Variants in PTPRG observed in about 807,000 individuals in gnomAD.
The protein encoded by PTPRG is protein tyrosine phosphatase receptor type G.
PTPRG carries 102 observed loss-of-function variants against 165.3 expected under a neutral mutation model. That is an observed-to-expected ratio of 0.62 (90% CI 0.53 to 0.73). The LOEUF is 0.73. PTPRG is among the 30% of genes least tolerant of loss of function. PTPRG has a pLI of 0.00. For synonymous variants in PTPRG, 675 were observed against 669.5 expected, an observed-to-expected ratio of 1.01 and a Z score of -0.13; for missense variants, 1,866 against 1,861.4, an observed-to-expected ratio of 1.00 and a Z score of -0.05.
chr3:62,086,487 C>G (rs141737827), intron 5 of PTPRG, among the ~76,000 whole-genome samples: 115 of 152,224 alleles, frequency 7.6e-4, no homozygotes, highest in Non-Finnish European at 1.5e-3. Flanking sequence ...TTTAGAACTT[C>G]CTTCTTAGAC....
intron 4 of PTPRG, among the ~76,000 whole-genome samples, chr3:62,024,581 A>AGTTTC (rs768714219): frequency 1.4e-4 from 22 of 152,200 alleles, no homozygotes; most frequent in Non-Finnish European, 2.6e-4. Flanking sequence ...AGTTGATACG[A>AGTTTC]GTTTCACTAG....
chr3:61,841,983 C>T (rs528045491), intron 2 of PTPRG, among the ~76,000 whole-genome samples: 6 of 152,190 alleles, frequency 3.9e-5, no homozygotes, highest in African/African-American at 1.4e-4. Context: ...AGATGGTATG[C>T]ACAGAGTTTG....
chr3:62,063,505 A>G (rs958792665), intron 4 of PTPRG, among the ~76,000 whole-genome samples: 3 of 152,160 alleles, frequency 2.0e-5, no homozygotes, highest in African/African-American at 7.2e-5. Flanking sequence ...TAATATTAAT[A>G]CTTTGTGTTT....
At chr3:62,023,280 G>A (rs908548520) in intron 4 of PTPRG, among the ~76,000 whole-genome samples, 2 of 152,044 alleles carry the variant, frequency 1.3e-5, no homozygotes, top group African/African-American at 4.8e-5. Context: ...AAAACATCAG[G>A]AAACTAGAAC....
chr3:61,849,747 C>T (rs919259904), intron 2 of PTPRG, among the ~76,000 whole-genome samples: 4 of 152,164 alleles, frequency 2.6e-5, no homozygotes, highest in Admixed American at 2.6e-4. Context: ...ACACATAGAA[C>T]AAATCCTGCG....
intron 5 of PTPRG, among the ~76,000 whole-genome samples, chr3:62,107,263 C>G (rs1170104683): frequency 6.6e-6 from 1 of 152,204 alleles, no homozygotes; most frequent in African/African-American, 2.4e-5. Context: ...TGGCAAATCA[C>G]TCATACCATG....
chr3:62,166,419 C>T (rs1274232537), intron 7 of PTPRG, among the ~76,000 whole-genome samples: 1 of 151,224 alleles, frequency 6.6e-6, no homozygotes, highest in East Asian at 2.0e-4. Context: ...GCACTGCAGC[C>T]TCCGCCTCCC....
intron 12 of PTPRG, among the ~76,000 whole-genome samples, chr3:62,206,004 C>G (rs936429805): frequency 2.6e-5 from 4 of 152,176 alleles, no homozygotes; most frequent in Non-Finnish European, 5.9e-5. Flanking sequence ...TTGGAATTGA[C>G]TTTCAAGCTT....
At chr3:61,643,291 G>GAGAC (rs1331584737) in intron 1 of PTPRG, among the ~76,000 whole-genome samples, 13 of 151,906 alleles carry the variant, frequency 8.6e-5, no homozygotes, top group African/African-American at 2.7e-4. Context: ...GAGAGAGAGA[G>GAGAC]AGACAGAGAC....
At chr3:61,904,180 C>T (rs1172600439) in intron 2 of PTPRG, among the ~76,000 whole-genome samples, 1 of 152,138 alleles carries the variant, frequency 6.6e-6, no homozygotes, top group African/African-American at 2.4e-5. Flanking sequence ...CACCCAAGTG[C>T]AGCTGCAGGG....
chr3:61,738,841 C>T (rs1044289053), intron 1 of PTPRG, among the ~76,000 whole-genome samples: 1 of 152,044 alleles, frequency 6.6e-6, no homozygotes, highest in East Asian at 1.9e-4. Context: ...GTGGTGCCAT[C>T]ACGGCTCATG....
chr3:61,635,102 T>A (rs1278729965), intron 1 of PTPRG, among the ~76,000 whole-genome samples: 1 of 152,108 alleles, frequency 6.6e-6, no homozygotes, highest in African/African-American at 2.4e-5. Context: ...TTCCTGAGCA[T>A]GCAATAAAGA....
chr3:61,819,390 A>G (rs1429921798), intron 2 of PTPRG, among the ~76,000 whole-genome samples: 2 of 152,188 alleles, frequency 1.3e-5, no homozygotes, highest in East Asian at 3.9e-4. Flanking sequence ...CTTTACATCT[A>G]CTAAGGATAC....
At chr3:62,193,890 A>C (rs982775719) in intron 9 of PTPRG, among the ~76,000 whole-genome samples, 3 of 152,228 alleles carry the variant, frequency 2.0e-5, no homozygotes, top group Non-Finnish European at 4.4e-5. Context: ...ATCTATTAAG[A>C]AGAGTCTTTG....
intron 3 of PTPRG, among the ~76,000 whole-genome samples, chr3:61,997,711 C>T (rs1166438133): frequency 6.6e-6 from 1 of 152,184 alleles, no homozygotes; most frequent in African/African-American, 2.4e-5. Flanking sequence ...AGAGTTGTGT[C>T]TGATTTACCC....
At chr3:61,929,418 A>G (rs921057318) in intron 2 of PTPRG, among the ~76,000 whole-genome samples, 2 of 152,208 alleles carry the variant, frequency 1.3e-5, no homozygotes, top group African/African-American at 4.8e-5. Context: ...GTGATTTTCA[A>G]GTGACCCCGT....
intron 2 of PTPRG, among the ~76,000 whole-genome samples, chr3:61,898,992 T>C (rs1201003910): frequency 6.6e-6 from 1 of 152,166 alleles, no homozygotes; most frequent in African/African-American, 2.4e-5. Context: ...CACTGTAGCC[T>C]TGAGTTCTTG....
intron 8 of PTPRG, among the ~76,000 whole-genome samples, chr3:62,188,802 C>T (rs1559623299): frequency 1.3e-5 from 2 of 151,972 alleles, no homozygotes; most frequent in African/African-American, 2.4e-5. Context: ...TAAATAAGAA[C>T]ATGGTGGGAG....
At position 62,168,033 on chromosome 3, in the gene PTPRG, T is replaced by A. The variant is rs911872298; in HGVS notation, c.903T>A (p.Tyr301Ter). 6.2e-7 allele frequency: 1 copy of A among 1,613,912 alleles called. No individual in the cohort carries two copies. Among genetic ancestry groups the A allele is most frequent in the African/African-American group, 1.3e-5 (1 of 74,964 alleles). Residue 301 changes from tyrosine (Y) to a stop codon, truncating the protein, a stop_gained, in exon 8 of 30, where the codon TAT becomes TAA. Transcript: ENST00000474889. LOFTEE classifies it high-confidence loss of function. ...AAGACCATGTCAAGTCGGTGGAGTA[T>A]CTGAGAAATAACTTTCGACCACAGC... is the stretch of plus-strand genomic sequence containing the variant. ...EQQDHVKSVE[Y>*]LRNNFRPQQR...
Sources: allele counts gnomAD v4.1 joint callset (sites outside exome capture counted in the v4.1 genomes callset), GRCh38; gene constraint gnomAD v4.1.1; transcripts MANE v1.5; gene names NCBI Gene and HGNC (gene_info 2026-07-23, HGNC 2026-07-21).